Variants in MCTP1 observed in about 807,000 individuals in gnomAD.
The protein encoded by MCTP1 is multiple C2 and transmembrane domain-containing protein 1.
In MCTP1, 69 loss-of-function variants were observed where a neutral mutation model predicts 120.6. The observed-to-expected ratio is 0.57, with a 90% CI of 0.47 to 0.70. The LOEUF (loss-of-function observed/expected upper bound fraction) is 0.70. Among genes scored for constraint, MCTP1 ranks in the 30% least tolerant of loss-of-function variants. The pLI is 0.00. For synonymous variants in MCTP1, 529 were observed against 493.1 expected (o/e 1.07, Z -0.96); for missense variants, 1,203 against 1,248.8 (o/e 0.96, Z 0.55).
intron 1 of MCTP1, chr5:95,081,371 G>A: frequency 6.7e-7 from 1 of 1,498,652 alleles, no homozygotes; most frequent in Non-Finnish European, 9.2e-7. Context: ...TACCTAAACT[G>A]CCACATTAAT....
At chr5:95,002,859 C>A (rs1217700244) in intron 2 of MCTP1, among the ~76,000 whole-genome samples, 1 of 151,976 alleles carries the variant, frequency 6.6e-6, no homozygotes, top group Admixed American at 6.6e-5. Context: ...TGGGAGGGAC[C>A]AAGGGTGGAA....
chr5:95,171,238 C>T (rs1747241594), intron 1 of MCTP1, among the ~76,000 whole-genome samples: 1 of 152,114 alleles, frequency 6.6e-6, no homozygotes, highest in Non-Finnish European at 1.5e-5. Flanking sequence ...GAATATTGGC[C>T]CCCACTCTCT....
intron 17 of MCTP1, among the ~76,000 whole-genome samples, chr5:94,820,478 G>T (rs1396401511): frequency 6.6e-6 from 1 of 152,174 alleles, no homozygotes; most frequent in African/African-American, 2.4e-5. Flanking sequence ...AATAATCACA[G>T]TCATGCTCTT....
At position 95,278,173 on chromosome 5, in the gene MCTP1, G is replaced by A. The variant is rs529615065; in HGVS notation, c.720+5683C>T. Among the ~76,000 whole-genome samples the A allele has an allele frequency of 9.9e-5, 15 of 152,164 alleles. No individual in the cohort carries two copies. In the South Asian group the frequency reaches 3.1e-3, roughly 32 times the overall value. On this transcript the variant is annotated intron_variant, in intron 1 of 22. Coordinates refer to ENST00000515393, the MANE Select transcript of MCTP1 (RefSeq NM_024717.7). ...TTGGATAAAATATTGAATTGTTAGG[G>A]ATAAACTTCTCACCTCTGATTCATA...
chr5:94,757,942 G>A (rs1464383346), intron 19 of MCTP1, among the ~76,000 whole-genome samples: 1 of 152,160 alleles, frequency 6.6e-6, no homozygotes, highest in Non-Finnish European at 1.5e-5. Context: ...GGAGTCTTGG[G>A]AAACAGGCAC....
chr5:95,246,995 A>G (rs1756865944), intron 1 of MCTP1, among the ~76,000 whole-genome samples: 1 of 152,202 alleles, frequency 6.6e-6, no homozygotes, highest in African/African-American at 2.4e-5. Context: ...CCTCTGGTAG[A>G]ATTCAGCTGT....
intron 17 of MCTP1, 56 bp from the exon 18 acceptor site, chr5:94,799,188 G>A: frequency 2.6e-6 from 4 of 1,527,506 alleles, no homozygotes; most frequent in Non-Finnish European, 3.6e-6. Context: ...TTCATTAAAT[G>A]GACTCTTATT....
intron 2 of MCTP1, among the ~76,000 whole-genome samples, chr5:95,012,971 G>A (rs1304862423): frequency 6.6e-6 from 1 of 152,146 alleles, no homozygotes; most frequent in Non-Finnish European, 1.5e-5. Flanking sequence ...TGAAAGCTAG[G>A]CCTCTTGCTC....
chr5:94,790,344 G>A (rs147095299), intron 18 of MCTP1, among the ~76,000 whole-genome samples: 8 of 152,326 alleles, frequency 5.3e-5, no homozygotes, highest in African/African-American at 1.7e-4. Context: ...CAGTGGGTGC[G>A]GCACGCAAGA....
At chr5:94,771,210 T>G (rs1204899002) in intron 19 of MCTP1, among the ~76,000 whole-genome samples, 1 of 152,168 alleles carries the variant, frequency 6.6e-6, no homozygotes, top group African/African-American at 2.4e-5. Context: ...AAAGATACTT[T>G]ATAGTCTCTG....
intron 1 of MCTP1, among the ~76,000 whole-genome samples, chr5:95,068,231 G>C (rs1434947527): frequency 6.6e-6 from 1 of 152,012 alleles, no homozygotes; most frequent in African/African-American, 2.4e-5. Context: ...TCTTGGGTAG[G>C]GTTTTCTCTA....
At chr5:95,262,404 G>T (rs1204127607) in intron 1 of MCTP1, among the ~76,000 whole-genome samples, 1 of 152,058 alleles carries the variant, frequency 6.6e-6, no homozygotes, top group East Asian at 1.9e-4. Context: ...ACCTTAAAAG[G>T]ATACCAAAAG....
chr5:95,167,668 A>G (rs1746599911), intron 1 of MCTP1, among the ~76,000 whole-genome samples: 2 of 152,340 alleles, frequency 1.3e-5, no homozygotes, highest in South Asian at 4.1e-4. Context: ...AGTGATGATG[A>G]GCATTTTTTC....
At chr5:94,910,357 C>T (rs80036428) in intron 9 of MCTP1, among the ~76,000 whole-genome samples, 3,225 of 151,988 alleles carry the variant, frequency 0.021, 117 homozygotes, top group African/African-American at 0.072. Flanking sequence ...AATCAATGAG[C>T]AAAGTAACCT....
Position 94,714,903 on chromosome 5 carries a change from AAG to A in MCTP1, c.2611-19_2611-18del, listed in dbSNP as rs757532133. 1.0e-5 allele frequency: 15 copies of A among 1,457,884 alleles called. No individual in the cohort carries two copies. Among genetic ancestry groups the A allele is most frequent in the African/African-American group, 2.8e-5 (2 of 71,934 alleles). The allele number at this position is 1,457,884 out of a possible 1,614,324, so 90.3% of individuals were successfully genotyped here. On this transcript the variant is annotated intron_variant, in intron 19 of 22. Coordinates refer to ENST00000515393, the MANE Select transcript of MCTP1 (RefSeq NM_024717.7). Reference sequence around the variant, plus strand: ...TTCACTGTCCTAAAATGCAATAAAAAAGAAATTCTGTATGAGTAAAGGTATTC... The same window carrying A: ...TTCACTGTCCTAAAATGCAATAAAAAAAATTCTGTATGAGTAAAGGTATTC...
chr5:94,826,366 A>T (rs1215287899), intron 17 of MCTP1: 1 of 578,354 alleles, frequency 1.7e-6, no homozygotes, highest in East Asian at 3.6e-5. Flanking sequence ...AAGGCAAAGA[A>T]GCTGCAACAG....
chr5:95,164,546 A>C (rs12189103), intron 1 of MCTP1, among the ~76,000 whole-genome samples: 4,065 of 152,292 alleles, frequency 0.027, 72 homozygotes, highest in Non-Finnish European at 0.042. Context: ...AGACAAAATA[A>C]CCAAATTTTA....
intron 1 of MCTP1, among the ~76,000 whole-genome samples, chr5:95,195,671 G>A (rs1750305750): frequency 6.6e-6 from 1 of 152,014 alleles, no homozygotes; most frequent in Non-Finnish European, 1.5e-5. Context: ...GAGCGCTAAG[G>A]CAGCTTAGAA....
intron 1 of MCTP1, among the ~76,000 whole-genome samples, chr5:95,070,960 G>A (rs1216842906): frequency 6.6e-6 from 1 of 152,154 alleles, no homozygotes; most frequent in African/African-American, 2.4e-5. Flanking sequence ...TTCAAGGGAA[G>A]TTCCGTGGGA....
Sources: allele counts gnomAD v4.1 joint callset (sites outside exome capture counted in the v4.1 genomes callset), GRCh38; gene constraint gnomAD v4.1.1; transcripts MANE v1.5; gene names NCBI Gene and HGNC (gene_info 2026-07-23, HGNC 2026-07-21).